Variants in AGO4 observed in about 807,000 individuals in gnomAD.
AGO4 encodes the protein argonaute RISC component 4, also known as protein argonaute-4.
AGO4 carries 33 observed loss-of-function variants against 104.7 expected under a neutral mutation model. That is an observed-to-expected ratio of 0.32 (90% CI 0.24 to 0.42). The LOEUF is 0.42. Ranked by LOEUF, AGO4 falls within the 10% of genes least tolerant of loss-of-function variation. The pLI is 1.00. For synonymous variants in AGO4, 331 were observed against 364.7 expected (o/e 0.91, Z 1.05); for missense variants, 711 against 1,083.4 (o/e 0.66, Z 4.83).
chr1:35,852,068 AAC>A (rs1375859132), intron 17 of AGO4, among the ~76,000 whole-genome samples: 2 of 152,240 alleles, frequency 1.3e-5, no homozygotes, highest in Non-Finnish European at 2.9e-5. Context: ...GGGCAGAGAG[AAC>A]AAGGGACACA....
At chr1:35,837,871 A>T (rs114791118) in intron 13 of AGO4, among the ~76,000 whole-genome samples, 1 of 151,602 alleles carries the variant, frequency 6.6e-6, no homozygotes, top group South Asian at 2.1e-4. Flanking sequence ...TCACTCTCCT[A>T]AATTGTGGGT....
chr1:35,809,127 T>C (rs1643414526), intron 1 of AGO4, among the ~76,000 whole-genome samples: 1 of 152,182 alleles, frequency 6.6e-6, no homozygotes, highest in South Asian at 2.1e-4. Flanking sequence ...CTGAGTTCTC[T>C]TCTAATTGGG....
intron 17 of AGO4, among the ~76,000 whole-genome samples, chr1:35,852,073 G>A (rs1316905909): frequency 1.3e-5 from 2 of 152,166 alleles, no homozygotes; most frequent in Non-Finnish European, 2.9e-5. Context: ...GAGAGAACAA[G>A]GGACACAAAG....
chr1:35,816,798 C>CAAA (rs72065876), intron 1 of AGO4, 84 bp from the exon 2 acceptor site: 57 of 1,040,962 alleles, frequency 5.5e-5, no homozygotes, highest in African/African-American at 2.9e-4. Flanking sequence ...AACTCTGTCT[C>CAAA]AAAAAAAAAA....
intron 2 of AGO4, among the ~76,000 whole-genome samples, chr1:35,817,324 G>A (rs1184855751): frequency 6.6e-6 from 1 of 151,982 alleles, no homozygotes; most frequent in Non-Finnish European, 1.5e-5. Context: ...TACTAAAATA[G>A]GTGAAGACAT....
Position 35,816,912 on chromosome 1 carries a change from G to C in AGO4, c.50G>C (p.Arg17Pro). 6.2e-7 allele frequency: 1 copy of C among 1,612,648 alleles called. No individual in the cohort carries two copies. The highest frequency in any genetic ancestry group is 8.5e-7 in the Non-Finnish European group (1 of 1,179,456). ...GPPASLFQPP[R>P]RPGLGTVGKP... ...CCGGCTAGCCTGTTTCAGCCACCTC[G>C]TCGTCCTGGCCTTGGAACTGTTGGA... The change falls in exon 2 of 18, where the codon CGT (arginine) becomes CCT (proline). Residue 17 changes from arginine (R) to proline (P), a missense_variant. Arg to Pro is a moderately radical substitution (Grantham distance 103). Transcript: ENST00000373210.
Position 35,835,877 on chromosome 1 carries a change from A to C in AGO4, c.1608A>C (p.Thr536=). 2 of 1,614,040 alleles carry C rather than the reference A, an allele frequency of 1.2e-6. No individual in the cohort carries two copies. Among genetic ancestry groups the C allele is most frequent in the Non-Finnish European group, 1.7e-6 (2 of 1,179,972 alleles). ...GAGATACCCTTCTAGGTATGGCCAC[A>C]CAGTGTGTCCAGGTAAAAAATGTAG... is the stretch of plus-strand genomic sequence containing the variant. ...RVGDTLLGMA[T]QCVQVKNVVK... is the part of the protein sequence containing the mutation. Residue 536 remains threonine, a synonymous_variant, in exon 13 of 18, where the codon ACA becomes ACC. Coordinates refer to ENST00000373210, the MANE Select transcript of AGO4 (RefSeq NM_017629.4).
intron 10 of AGO4, 26 bp downstream of exon 10, chr1:35,832,211 G>T (rs767776472): frequency 6.2e-7 from 1 of 1,607,708 alleles, no homozygotes; most frequent in Non-Finnish European, 8.5e-7. Flanking sequence ...TATTCAGCAA[G>T]CTTCTTCCAC....
At chr1:35,811,900 T>C (rs546496568) in intron 1 of AGO4, among the ~76,000 whole-genome samples, 6 of 152,180 alleles carry the variant, frequency 3.9e-5, no homozygotes, top group Admixed American at 1.3e-4. Flanking sequence ...ACCCAGCCTT[T>C]ATGTTAAACC....
In AGO4 at chr1:35,850,375, C is replaced by T. The variant is rs1644670563; in HGVS notation, c.2277+117C>T. The T allele has an allele frequency of 3.7e-6, 3 of 820,578 alleles. No homozygotes were observed. In the African/African-American group the frequency reaches 5.1e-5, roughly 14 times the overall value. The allele number at this position is 820,578 out of a possible 1,614,324, so 50.8% of individuals were successfully genotyped here. On this transcript the variant is annotated intron_variant, in intron 16 of 17. Coordinates refer to ENST00000373210, the MANE Select transcript of AGO4 (RefSeq NM_017629.4). Reference sequence around the variant, plus strand: ...TGCCTAACTTTGTTAATGCTTGTATCCTAGAATTATCTTTTGGTCTAGGTA... The same window carrying T: ...TGCCTAACTTTGTTAATGCTTGTATTCTAGAATTATCTTTTGGTCTAGGTA...
chr1:35,852,386 C>T (rs1022554658), intron 17 of AGO4, among the ~76,000 whole-genome samples: 1 of 152,158 alleles, frequency 6.6e-6, no homozygotes, highest in Non-Finnish European at 1.5e-5. Context: ...CCCTTTATAT[C>T]ACATGGTATC....
chr1:35,808,660 C>T lies in AGO4; in HGVS notation c.19+225C>T, dbSNP rs888428661. 2.0e-5 allele frequency among the ~76,000 whole-genome samples: 3 copies of T among 152,148 alleles called. No individual in the cohort carries two copies. The South Asian group carries it at 6.2e-4, about 32-fold the overall frequency. ...GATCCCGAGGTCCAGGGGGGAGGTTCGGGAAGGTGACCGGCGCTGCCGGGC... is the reference window on the plus strand; with the variant it reads ...GATCCCGAGGTCCAGGGGGGAGGTTTGGGAAGGTGACCGGCGCTGCCGGGC... On this transcript the variant is annotated intron_variant, in intron 1 of 17. Coordinates refer to ENST00000373210, the MANE Select transcript of AGO4 (RefSeq NM_017629.4). This position sits in a 1 kb window ranked among gnomAD's most constrained non-coding sequence, Gnocchi z 5.2.
chr1:35,820,490 T>C (rs1643868945), intron 2 of AGO4, among the ~76,000 whole-genome samples: 2 of 152,086 alleles, frequency 1.3e-5, no homozygotes, highest in African/African-American at 4.8e-5. Flanking sequence ...CCCGAGTAGC[T>C]GGGATTACAG....
intron 15 of AGO4, among the ~76,000 whole-genome samples, chr1:35,843,867 A>T (rs557213470): frequency 2.0e-5 from 3 of 152,096 alleles, no homozygotes; most frequent in Non-Finnish European, 4.4e-5. Context: ...AAGCTATCTC[A>T]TAGTTTTATT....
intron 15 of AGO4, among the ~76,000 whole-genome samples, chr1:35,848,678 T>C (rs950406631): frequency 6.6e-6 from 1 of 152,108 alleles, no homozygotes; most frequent in Admixed American, 6.5e-5. Context: ...TAGAAAATGC[T>C]ATATACTTTA....
At chr1:35,843,604 A>G (rs1345474733) in intron 15 of AGO4, among the ~76,000 whole-genome samples, 1 of 152,202 alleles carries the variant, frequency 6.6e-6, no homozygotes, top group African/African-American at 2.4e-5. Flanking sequence ...AAAAATTTAA[A>G]TAAAAAATAG....
chr1:35,838,725 A>G (rs980308776), intron 13 of AGO4, among the ~76,000 whole-genome samples: 9 of 152,114 alleles, frequency 5.9e-5, no homozygotes, highest in African/African-American at 1.7e-4. Flanking sequence ...GTGAATTTCT[A>G]ATATCTCTGG....
chr1:35,831,049 G>A (rs2148667152), intron 7 of AGO4, among the ~76,000 whole-genome samples: 1 of 150,784 alleles, frequency 6.6e-6, no homozygotes, highest in East Asian at 2.0e-4. Flanking sequence ...AGTGGGCTTT[G>A]TTTGTTTATT....
rs888598553 is a variant in AGO4 at position 35,808,232 on chromosome 1, G to T, written c.-185G>T. On this transcript the variant is annotated 5_prime_UTR_variant, in exon 1 of 18. Transcript: ENST00000373210. The surrounding 1 kb of genome is among the most constrained non-coding windows in gnomAD (Gnocchi z 5.2). ...TGTTGTCGCTGAGGCCGGAAGAGCC[G>T]GAGCCGGGTCCCTGTCCCCGGGCCG... The T allele has an allele frequency of 7.5e-5, 12 of 159,804 alleles. No homozygotes were observed. The highest frequency in any genetic ancestry group is 2.9e-4 in the African/African-American group (12 of 41,132). The allele number at this position is 159,804 out of a possible 1,614,324, so 9.9% of individuals were successfully genotyped here.
Sources: allele counts gnomAD v4.1 joint callset (sites outside exome capture counted in the v4.1 genomes callset), GRCh38; gene constraint gnomAD v4.1.1; non-coding constraint Gnocchi (gnomAD v3.1); transcripts MANE v1.5; gene names NCBI Gene and HGNC (gene_info 2026-07-23, HGNC 2026-07-21).